PHACTR3: variants seen among roughly 807,000 people sequenced by gnomAD.
PHACTR3 encodes the protein phosphatase and actin regulator 3, also known as protein phosphatase 1, regulatory subunit 123.
A neutral mutation model predicts 66.8 loss-of-function variants in PHACTR3; 16 were observed. The observed-to-expected ratio is 0.24, with a 90% CI of 0.16 to 0.36. PHACTR3 has a LOEUF of 0.36. Among genes scored for constraint, PHACTR3 ranks in the 10% least tolerant of loss-of-function variants. PHACTR3 has a pLI of 1.00. For missense variants in PHACTR3, 647 were observed against 719.9 expected, an observed-to-expected ratio of 0.90 and a Z score of 1.16; for synonymous variants, 323 against 292.1, an observed-to-expected ratio of 1.11 and a Z score of -1.08.
intron 8 of PHACTR3, among the ~76,000 whole-genome samples, chr20:59,808,517 A>G (rs1387446386): frequency 6.6e-6 from 1 of 152,164 alleles, no homozygotes; most frequent in Non-Finnish European, 1.5e-5. Context: ...AGTGCCCTGG[A>G]CAGCCCCTAG....
chr20:59,585,263 A>G (rs2032989403), intron 1 of PHACTR3, among the ~76,000 whole-genome samples: 4 of 152,190 alleles, frequency 2.6e-5, no homozygotes, highest in Admixed American at 2.6e-4. Context: ...GGGAGGGTGC[A>G]AAGCCACGTT....
chr20:59,604,981 C>T lies in PHACTR3; in HGVS notation c.-34C>T. ...CCTCGGATGCTCTGATTCCACGCGG[C>T]TCGCTCTAACTTGCCCCCGCGCCGG... On this transcript the variant is annotated 5_prime_UTR_variant, in exon 1 of 13. Coordinates refer to ENST00000371015, the MANE Select transcript of PHACTR3 (RefSeq NM_080672.5). The T allele has an allele frequency of 7.9e-7, 1 of 1,272,662 alleles. No homozygotes were observed. The highest frequency in any genetic ancestry group is 1.0e-6 in the Non-Finnish European group (1 of 1,003,722). 78.8% of individuals were successfully genotyped at this position (1,272,662 alleles called of 1,614,324 possible).
intron 6 of PHACTR3, 90 bp downstream of exon 6, chr20:59,773,543 C>T: frequency 3.7e-6 from 5 of 1,337,896 alleles, no homozygotes; most frequent in Non-Finnish European, 5.0e-6. Context: ...CGCCCAGGGC[C>T]TTGGCTGGGT....
At chr20:59,613,691 C>T (rs1600916818) in intron 1 of PHACTR3, among the ~76,000 whole-genome samples, 1 of 152,312 alleles carries the variant, frequency 6.6e-6, no homozygotes, top group South Asian at 2.1e-4. Flanking sequence ...CAAAACAAAA[C>T]ATGTCTGGGA....
rs1225247240 is a variant in PHACTR3 at position 59,830,938 on chromosome 20, C to T, written c.1329-5567C>T. Among the ~76,000 whole-genome samples the T allele has an allele frequency of 3.3e-5, 5 of 152,044 alleles. No individual in the cohort carries two copies. Among genetic ancestry groups the T allele is most frequent in the African/African-American group, 4.8e-5 (2 of 41,348 alleles). On this transcript the variant is annotated intron_variant, in intron 8 of 12. Coordinates refer to ENST00000371015, the MANE Select transcript of PHACTR3 (RefSeq NM_080672.5). This position sits in a 1 kb window ranked among gnomAD's most constrained non-coding sequence, Gnocchi z 5.8. Reference sequence around the variant, plus strand: ...CCTGGAAATGTGGGTGGCACAGTGGCATCATGACTCCTGGAGCCTCTCCAG... The same window carrying T: ...CCTGGAAATGTGGGTGGCACAGTGGTATCATGACTCCTGGAGCCTCTCCAG...
At chr20:59,735,119 A>T (rs1375209106) in intron 1 of PHACTR3, among the ~76,000 whole-genome samples, 2 of 152,114 alleles carry the variant, frequency 1.3e-5, no homozygotes, top group Non-Finnish European at 2.9e-5. Flanking sequence ...GGACTCAAAG[A>T]AGAAATAGAG....
At chr20:59,671,532 A>T (rs1287401487) in intron 1 of PHACTR3, among the ~76,000 whole-genome samples, 1 of 152,212 alleles carries the variant, frequency 6.6e-6, no homozygotes, top group Non-Finnish European at 1.5e-5. Context: ...GTTTGAACAC[A>T]GTGTTTGTGT....
At chr20:59,623,622 G>A (rs1385169011) in intron 1 of PHACTR3, among the ~76,000 whole-genome samples, 1 of 152,186 alleles carries the variant, frequency 6.6e-6, no homozygotes, top group Non-Finnish European at 1.5e-5. Flanking sequence ...TCTTAAAACT[G>A]CATCTGTGGG....
intron 1 of PHACTR3, among the ~76,000 whole-genome samples, chr20:59,630,402 T>C (rs2034620512): frequency 6.6e-6 from 1 of 152,142 alleles, no homozygotes; most frequent in Non-Finnish European, 1.5e-5. Context: ...AGGCTGGTCT[T>C]AAACTCCTAA....
intron 1 of PHACTR3, among the ~76,000 whole-genome samples, chr20:59,647,196 T>C (rs2035308596): frequency 6.6e-6 from 1 of 152,198 alleles, no homozygotes; most frequent in African/African-American, 2.4e-5. Flanking sequence ...AGCAAAGGCA[T>C]GTCTTACATG....
In PHACTR3 at chr20:59,612,674, G is replaced by A. The variant is rs559207219; in HGVS notation, c.118+7542G>A. Among the ~76,000 whole-genome samples the A allele has an allele frequency of 3.3e-5, 5 of 152,282 alleles. No homozygotes were observed. The East Asian group carries it at 5.8e-4, about 18-fold the overall frequency. On this transcript the variant is annotated intron_variant, in intron 1 of 12. Coordinates refer to ENST00000371015, the MANE Select transcript of PHACTR3 (RefSeq NM_080672.5). ...GCTGGGATTACAGGCGTAAGCCACC[G>A]CGCCTGGCTGACCATCCTGTTTTAA...
chr20:59,805,882 G>A (rs1021782445), intron 7 of PHACTR3, among the ~76,000 whole-genome samples, 159 bp from the exon 8 acceptor site: 6 of 152,174 alleles, frequency 3.9e-5, no homozygotes, highest in African/African-American at 1.4e-4. Flanking sequence ...GGAAAGTGCC[G>A]CAAGCTGGCG....
At chr20:59,812,155 A>G (rs1198156451) in intron 8 of PHACTR3, among the ~76,000 whole-genome samples, 4 of 152,206 alleles carry the variant, frequency 2.6e-5, no homozygotes, top group African/African-American at 7.2e-5. Context: ...TGTCATTCCC[A>G]TTCGTGACTG....
chr20:59,689,245 C>T (rs1472024201), intron 1 of PHACTR3, among the ~76,000 whole-genome samples: 5 of 152,272 alleles, frequency 3.3e-5, no homozygotes, highest in East Asian at 1.9e-4. Flanking sequence ...CTTGGTGGGG[C>T]GGCCTTGGAG....
intron 1 of PHACTR3, among the ~76,000 whole-genome samples, chr20:59,582,436 G>A (rs2032890659): frequency 6.6e-6 from 1 of 152,156 alleles, no homozygotes; most frequent in African/African-American, 2.4e-5. Context: ...CTGTACAAGT[G>A]TTTCTCTATA....
intron 1 of PHACTR3, among the ~76,000 whole-genome samples, chr20:59,721,649 C>T (rs934608793): frequency 1.3e-5 from 2 of 152,092 alleles, no homozygotes; most frequent in African/African-American, 2.4e-5. Flanking sequence ...CTAGATGAGG[C>T]CAGTCTGGTT....
intron 4 of PHACTR3, 107 bp from the exon 5 acceptor site, chr20:59,767,079 T>C: frequency 1.8e-6 from 2 of 1,091,946 alleles, no homozygotes; most frequent in East Asian, 2.6e-5. Flanking sequence ...CACTGCTCTG[T>C]ATGCTCTTCA....
chr20:59,628,079 T>C (rs1456127372), intron 1 of PHACTR3: 1 of 152,210 alleles, frequency 6.6e-6, no homozygotes, highest in Non-Finnish European at 1.5e-5. Context: ...ATGCCTTCAG[T>C]GACAGGAAAC....
intron 1 of PHACTR3, among the ~76,000 whole-genome samples, chr20:59,721,734 G>A (rs1219045753): frequency 6.6e-6 from 1 of 152,152 alleles, no homozygotes; most frequent in African/African-American, 2.4e-5. Flanking sequence ...CTGCTGCCTG[G>A]GGGCTTCCCA....
Sources: gnomAD v4.1 joint callset for allele counts (sites outside exome capture counted in the v4.1 genomes callset) on GRCh38, gnomAD v4.1.1 for gene constraint, Gnocchi (gnomAD v3.1) non-coding constraint, MANE v1.5 for transcripts, NCBI Gene and HGNC (gene_info 2026-07-23, HGNC 2026-07-21) for gene names.